The following RREB1 variants were observed in gnomAD, a reference collection of about 807,000 sequenced individuals.
The protein encoded by RREB1 is ras responsive element binding protein 1.
RREB1 carries 27 observed loss-of-function variants against 117.8 expected under a neutral mutation model. The observed-to-expected ratio is 0.23, with a 90% CI of 0.17 to 0.32. RREB1 has a LOEUF of 0.32. Ranked by LOEUF, RREB1 falls within the 10% of genes least tolerant of loss-of-function variation. The pLI is 1.00. For missense variants in RREB1, 2,577 were observed against 2,378.2 expected, an observed-to-expected ratio of 1.08 and a Z score of -1.74; for synonymous variants, 1,298 against 1,026.7, an observed-to-expected ratio of 1.26 and a Z score of -5.05.
intron 6 of RREB1, among the ~76,000 whole-genome samples, chr6:7,196,904 G>T (rs779453132): frequency 1.3e-5 from 2 of 152,142 alleles, no homozygotes; most frequent in Non-Finnish European, 2.9e-5. Context: ...TTACCATCAA[G>T]TACAAAACAT....
intron 1 of RREB1, among the ~76,000 whole-genome samples, chr6:7,125,548 G>C (rs1761869381): frequency 1.3e-5 from 2 of 152,200 alleles, no homozygotes; most frequent in African/African-American, 4.8e-5. Context: ...GCCTACTTTT[G>C]AAGAGACTCT....
At chr6:7,150,973 G>A (rs185091422) in intron 1 of RREB1, among the ~76,000 whole-genome samples, 3 of 152,204 alleles carry the variant, frequency 2.0e-5, no homozygotes. Context: ...GCTGCTGGCC[G>A]CCCGGAGATC....
chr6:7,213,725 C>A (rs1296678109), intron 8 of RREB1: 5 of 152,330 alleles, frequency 3.3e-5, no homozygotes, highest in Non-Finnish European at 7.3e-5. Flanking sequence ...AGAAACAGCA[C>A]AGGGGACCCC....
intron 8 of RREB1, chr6:7,218,039 A>G (rs1390254706): frequency 6.6e-6 from 1 of 152,226 alleles, no homozygotes; most frequent in African/African-American, 2.4e-5. Flanking sequence ...ACTGTGTGAA[A>G]AGCAGATATT....
chr6:7,206,961 A>G (rs1053308186), intron 6 of RREB1, among the ~76,000 whole-genome samples: 2 of 152,222 alleles, frequency 1.3e-5, no homozygotes, highest in Admixed American at 1.3e-4. Flanking sequence ...TGGAAGCCAG[A>G]TTTATTTTAA....
intron 1 of RREB1, among the ~76,000 whole-genome samples, chr6:7,136,858 C>T (rs1228992559): frequency 6.6e-6 from 1 of 152,134 alleles, no homozygotes; most frequent in Non-Finnish European, 1.5e-5. Flanking sequence ...TTGTGTTTGC[C>T]TCAGAATTTT....
intron 1 of RREB1, among the ~76,000 whole-genome samples, chr6:7,144,032 T>C (rs1762750565): frequency 6.6e-6 from 1 of 151,834 alleles, no homozygotes; most frequent in Non-Finnish European, 1.5e-5. Context: ...TTTACTTTAT[T>C]AAAGGGGGAA....
At position 7,229,361 on chromosome 6, in the gene RREB1, G is replaced by C; in HGVS notation, c.1262G>C (p.Gly421Ala). 6.2e-7 allele frequency: 1 copy of C among 1,614,140 alleles called. No individual in the cohort carries two copies. Among genetic ancestry groups the C allele is most frequent in the Non-Finnish European group, 8.5e-7 (1 of 1,179,998 alleles). The change falls in exon 10 of 13, where the codon GGC becomes GCC. Residue 421 changes from glycine (G) to alanine (A), a missense_variant. Transcript: ENST00000379938. This position sits in a 1 kb window ranked among gnomAD's most constrained non-coding sequence, Gnocchi z 4.5. The stretch of plus-strand genomic sequence containing the variant: ...TCACCTTTCGAAGCTGCTTCCCTAG[G>C]CGGTTCTCTCACAGTTCTCCCCGCG... ...SLSPFEAASL[G>A]GSLTVLPATK...
chr6:7,208,271 A>T (rs189763318), intron 6 of RREB1, among the ~76,000 whole-genome samples: 10 of 152,156 alleles, frequency 6.6e-5, no homozygotes, highest in Admixed American at 4.6e-4. Flanking sequence ...ACTTCCTGTG[A>T]GCTTTTGGGA....
chr6:7,230,316 C>T lies in RREB1; in HGVS notation c.2217C>T (p.Ser739=), dbSNP rs1767849169. ...AGAAGAACATCGAGTATGTGAGTAGCAGCGCGGCCGAGCTGGTGGACGCCT... is the reference window on the plus strand; with the variant it reads ...AGAAGAACATCGAGTATGTGAGTAGTAGCGCGGCCGAGCTGGTGGACGCCT... ...DIEKNIEYVS[S]SAAELVDAFC... is the part of the protein sequence containing the mutation. The change falls in exon 10 of 13, where the codon AGC becomes AGT. Residue 739 remains serine (S), a synonymous_variant. Transcript: ENST00000379938. 2 of 1,588,942 alleles carry T rather than the reference C, an allele frequency of 1.3e-6. No homozygotes were observed. The highest frequency in any genetic ancestry group is 1.7e-5 in the Admixed American group (1 of 59,188).
Position 7,246,743 on chromosome 6 carries a change from G to GGGCGACGGCGAGGCA in RREB1, c.4298_4312dup (p.Asp1433_Gly1437dup), listed in dbSNP as rs1023587576. The GGGCGACGGCGAGGCA allele has an allele frequency of 6.2e-5, 97 of 1,573,592 alleles. No individual in the cohort carries two copies. Among genetic ancestry groups the GGGCGACGGCGAGGCA allele is most frequent in the Non-Finnish European group, 8.1e-5 (94 of 1,160,192 alleles). Reference sequence around the variant, plus strand: ...AGCTCATGGACTTCAAGCTGGCGGAGGGCGACGGCGAGGCAGGCGCCGGGG... The same window carrying GGGCGACGGCGAGGCA: ...AGCTCATGGACTTCAAGCTGGCGGAGGGCGACGGCGAGGCAGGCGACGGCGAGGCAGGCGCCGGGG... On this transcript the variant is annotated inframe_insertion, in exon 12 of 13. Transcript: ENST00000379938.
intron 6 of RREB1, among the ~76,000 whole-genome samples, chr6:7,194,680 A>G (rs1185897320): frequency 1.3e-5 from 2 of 152,170 alleles, no homozygotes; most frequent in African/African-American, 4.8e-5. Flanking sequence ...CTTTGTGGAA[A>G]TCTCTTAAAT....
At chr6:7,182,109 T>A (rs1764840604) in intron 4 of RREB1, 27 bp downstream of exon 4, 1 of 1,594,328 alleles carries the variant, frequency 6.3e-7, no homozygotes, top group Admixed American at 1.7e-5. Flanking sequence ...AGTGGTGACC[T>A]CTGGTGGGTT....
intron 1 of RREB1, among the ~76,000 whole-genome samples, chr6:7,170,808 CT>C (rs1764169497): frequency 6.6e-6 from 1 of 152,204 alleles, no homozygotes; most frequent in African/African-American, 2.4e-5. Context: ...AGCCAAGCAG[CT>C]TCTCCCAAAT....
chr6:7,245,496 T>C (rs951591149), intron 11 of RREB1, among the ~76,000 whole-genome samples: 1 of 152,278 alleles, frequency 6.6e-6, no homozygotes, highest in Non-Finnish European at 1.5e-5. Context: ...TAAGAAGTTA[T>C]TAAGTCTTCT....
chr6:7,141,213 T>TGGCTGGCG (rs938409294), intron 1 of RREB1, among the ~76,000 whole-genome samples: 12 of 151,164 alleles, frequency 7.9e-5, no homozygotes, highest in East Asian at 3.9e-4. Flanking sequence ...GGGCGCCGAT[T>TGGCTGGCG]GGCTGGCGGG....
chr6:7,141,433 A>G (rs1762583845), intron 1 of RREB1, among the ~76,000 whole-genome samples: 1 of 152,180 alleles, frequency 6.6e-6, no homozygotes. Flanking sequence ...CTCTTAGGGA[A>G]AGATTAGAAG....
chr6:7,173,804 A>G (rs1157149260), intron 1 of RREB1, among the ~76,000 whole-genome samples: 1 of 152,144 alleles, frequency 6.6e-6, no homozygotes, highest in African/African-American at 2.4e-5. Context: ...AGGGAAAGAA[A>G]GAAAAAAAAG....
In RREB1 at chr6:7,230,027, A is replaced by G. The variant is rs761823759; in HGVS notation, c.1928A>G (p.Tyr643Cys). Residue 643 changes from tyrosine to cysteine, a missense_variant, in exon 10 of 13, where the codon TAC becomes TGC. Physicochemically the swap from Tyr to Cys is radical, Grantham distance 194. Transcript: ENST00000379938. ...KKTPAMRKVLYPCRFCNQVFA... is the reference protein window; with the variant it reads ...KKTPAMRKVLCPCRFCNQVFA... Reference sequence around the variant, plus strand: ...ACGCCCGCCATGCGCAAGGTGCTCTACCCCTGCCGCTTCTGCAACCAGGTG... The same window carrying G: ...ACGCCCGCCATGCGCAAGGTGCTCTGCCCCTGCCGCTTCTGCAACCAGGTG... 6.2e-7 allele frequency: 1 copy of G among 1,607,270 alleles called. No individual in the cohort carries two copies. The highest frequency in any genetic ancestry group is 1.1e-5 in the South Asian group (1 of 90,826).
Sources: allele counts gnomAD v4.1 joint callset (sites outside exome capture counted in the v4.1 genomes callset), GRCh38; gene constraint gnomAD v4.1.1; non-coding constraint Gnocchi (gnomAD v3.1); transcripts MANE v1.5; gene names NCBI Gene and HGNC (gene_info 2026-07-23, HGNC 2026-07-21).